ANPEP: variants seen among roughly 807,000 people sequenced by gnomAD.
The protein encoded by ANPEP is alanyl aminopeptidase, membrane, also known as aminopeptidase N.
In ANPEP, 70 loss-of-function variants were observed where a neutral mutation model predicts 114.6. The observed-to-expected ratio is 0.61, with a 90% CI of 0.50 to 0.75. The LOEUF is 0.75. ANPEP is among the 30% of genes least tolerant of loss of function. ANPEP has a pLI of 0.00. For missense variants in ANPEP, 1,184 were observed against 1,259.5 expected, an observed-to-expected ratio of 0.94 and a Z score of 0.91; for synonymous variants, 548 against 522.3, an observed-to-expected ratio of 1.05 and a Z score of -0.67.
rs1266353225 is a variant in ANPEP, at chr15:89,792,292, T to G, written c.2396A>C (p.Asn799Thr). 1 of 1,614,240 alleles carries G rather than the reference T, an allele frequency of 6.2e-7. No homozygotes were observed. The highest frequency in any genetic ancestry group is 1.3e-5 in the African/African-American group (1 of 75,074). ...CTCCTCCCCGCCCTGGGCGATAGCG[T>G]TGCAGTAGACGGTGGACCGCAGGTT... is the stretch of plus-strand genomic sequence containing the variant. ...HPNLRSTVYCNAIAQGGEEEW... is the reference protein window; with the variant it reads ...HPNLRSTVYCTAIAQGGEEEW... The change falls in exon 18 of 21, where the codon AAC becomes ACC. Residue 799 changes from asparagine (N) to threonine (T), a missense_variant. Coordinates refer to ENST00000300060, the MANE Select transcript of ANPEP (RefSeq NM_001150.3).
chr15:89,808,971 A>C (rs938140661), intron 1 of ANPEP, among the ~76,000 whole-genome samples: 1 of 152,110 alleles, frequency 6.6e-6, no homozygotes, highest in Non-Finnish European at 1.5e-5. Context: ...GGGTGTTCTG[A>C]GCCTTTGGCA....
At chr15:89,790,811 C>A in intron 19 of ANPEP, 142 bp downstream of exon 19, 4 of 1,120,558 alleles carry the variant, frequency 3.6e-6, no homozygotes, top group Non-Finnish European at 3.8e-6. Context: ...TCTTTCCATT[C>A]CTGCCCCACC....
At chr15:89,793,246 C>G in intron 15 of ANPEP, 120 bp from the exon 16 acceptor site, 4 of 791,460 alleles carry the variant, frequency 5.1e-6, no homozygotes, top group Non-Finnish European at 6.2e-6. Flanking sequence ...AGGGCCTCAC[C>G]TGAGGCCAAA....
chr15:89,797,238 T>C (rs1049972961), intron 15 of ANPEP, among the ~76,000 whole-genome samples: 1 of 152,174 alleles, frequency 6.6e-6, no homozygotes, highest in African/African-American at 2.4e-5. Flanking sequence ...ATGGTGGCCT[T>C]TTCTGTGCCT....
chr15:89,808,372 C>T (rs1440014155), intron 1 of ANPEP, among the ~76,000 whole-genome samples: 4 of 152,240 alleles, frequency 2.6e-5, no homozygotes, highest in African/African-American at 7.2e-5. Flanking sequence ...CAGAACTCAG[C>T]GTGGTTTTCC....
chr15:89,800,323 AT>A (rs1894561997), intron 12 of ANPEP, among the ~76,000 whole-genome samples: 12 of 151,828 alleles, frequency 7.9e-5, no homozygotes, highest in African/African-American at 1.9e-4. Flanking sequence ...ATGAACTTGA[AT>A]CTCCCTTATT....
At position 89,792,204 on chromosome 15, in the gene ANPEP, G is replaced by A. The variant is rs777142941; in HGVS notation, c.2484C>T (p.Leu828=). Residue 828 remains leucine (L), a synonymous_variant, in exon 18 of 21, where the codon CTC becomes CTT. Transcript: ENST00000300060. Reference sequence around the variant, plus strand: ...CTTTGCTGCAGGCCAGGGCTGCCCGGAGCTTGTCAGCCTCATTGACCAGTG... The same window carrying A: ...CTTTGCTGCAGGCCAGGGCTGCCCGAAGCTTGTCAGCCTCATTGACCAGTG... ...NATLVNEADK[L]RAALACSKEL... is the part of the protein sequence containing the mutation. 4.3e-6 allele frequency: 7 copies of A among 1,614,072 alleles called. No individual in the cohort carries two copies. In the African/African-American group the frequency reaches 9.3e-5, roughly 22 times the overall value.
In ANPEP at chr15:89,790,978, T is replaced by C. The variant is rs1367752673; in HGVS notation, c.2644A>G (p.Ser882Gly). The change falls in exon 19 of 21, where the codon AGC (serine) becomes GGC (glycine). Residue 882 changes from serine (S) to glycine (G), a missense_variant. Physicochemically the swap from Ser to Gly is moderately conservative, Grantham distance 56 (BLOSUM62 0). Transcript: ENST00000300060. ...GQGLVWDFVQ[S>G]NWKKLFNDYG... Reference sequence around the variant, plus strand: ...TCGTTAAAAAGCTTCTTCCAGTTGCTCTGGACAAAGTCCCAGACCAGACCT... The same window carrying C: ...TCGTTAAAAAGCTTCTTCCAGTTGCCCTGGACAAAGTCCCAGACCAGACCT... 2 of 1,614,224 alleles carry C rather than the reference T, an allele frequency of 1.2e-6. No homozygotes were observed.
Position 89,805,103 on chromosome 15 carries a change from T to C in ANPEP, c.872A>G (p.Glu291Gly). The stretch of plus-strand genomic sequence containing the variant: ...CAAGACACCATTGGATGCCTGCTTC[T>C]CCACGTAGTCGAACTCACTGACAAT... ...AFIVSEFDYV[E>G]KQASNGVLIR... is the part of the protein sequence containing the mutation. Residue 291 changes from glutamate (E) to glycine (G), a missense_variant, in exon 4 of 21, where the codon GAG becomes GGG. Transcript: ENST00000300060. 2 of 1,614,210 alleles carry C rather than the reference T, an allele frequency of 1.2e-6. No individual in the cohort carries two copies. Among genetic ancestry groups the C allele is most frequent in the African/African-American group, 1.3e-5 (1 of 75,068 alleles).
Position 89,792,502 on chromosome 15 carries a change from C to G in ANPEP, c.2310G>C (p.Glu770Asp), listed in dbSNP as rs79477244. The change falls in exon 17 of 21, where the codon GAG (glutamate) becomes GAC (aspartate). Residue 770 changes from glutamate to aspartate, a missense_variant. Physicochemically the swap from Glu to Asp is conservative, Grantham distance 45. Coordinates refer to ENST00000300060, the MANE Select transcript of ANPEP (RefSeq NM_001150.3). ...ACSNGVPECE[E>D]MVSGLFKQWM... ...ACTGCTTGAAAAGGCCAGAGACCAT[C>G]TCCTCACACTCTGGAACTCCGTTGG... The G allele has an allele frequency of 6.8e-6, 11 of 1,614,174 alleles. No homozygotes were observed. Among genetic ancestry groups the G allele is most frequent in the Non-Finnish European group, 9.3e-6 (11 of 1,180,022 alleles).
intron 1 of ANPEP, among the ~76,000 whole-genome samples, chr15:89,813,078 T>C (rs1438223292): frequency 1.3e-5 from 2 of 151,800 alleles, no homozygotes; most frequent in South Asian, 2.1e-4. Context: ...GCACCCGGGG[T>C]GAAGCCCGGG....
chr15:89,802,893 T>A, intron 10 of ANPEP, among the ~76,000 whole-genome samples: 1 of 148,642 alleles, frequency 6.7e-6, no homozygotes, highest in African/African-American at 2.5e-5. Flanking sequence ...CAGCCAGGAG[T>A]GGGGAGAAGG....
At chr15:89,813,487 T>C (rs1257442703) in intron 1 of ANPEP, among the ~76,000 whole-genome samples, 1 of 152,166 alleles carries the variant, frequency 6.6e-6, no homozygotes, top group African/African-American at 2.4e-5. Flanking sequence ...GGAGCAGCGC[T>C]GTGGGTGGCC....
At position 89,805,994 on chromosome 15, in the gene ANPEP, T is replaced by C; in HGVS notation, c.590A>G (p.Glu197Gly). The C allele has an allele frequency of 6.3e-7, 1 of 1,599,028 alleles. No individual in the cohort carries two copies. The highest frequency in any genetic ancestry group is 8.6e-7 in the Non-Finnish European group (1 of 1,169,300). ...CTTTCTGACATTGCCCTCCATGTAC[T>C]CGCTGCGGTAGAAGCCCGCCAGGTC... ...ADDLAGFYRS[E>G]YMEGNVRKVV... is the part of the protein sequence containing the mutation. Residue 197 changes from glutamate to glycine, a missense_variant, in exon 2 of 21, where the codon GAG (glutamate) becomes GGG (glycine). Coordinates refer to ENST00000300060, the MANE Select transcript of ANPEP (RefSeq NM_001150.3).
rs201493541 is a variant in ANPEP, at chr15:89,806,448, C to A, written c.136G>T (p.Val46Leu). 3 of 1,614,000 alleles carry A rather than the reference C, an allele frequency of 1.9e-6. No homozygotes were observed. In the Admixed American group the frequency reaches 5.0e-5, roughly 27 times the overall value. The change falls in exon 2 of 21, where the codon GTG (valine) becomes TTG (leucine). Residue 46 changes from valine to leucine, a missense_variant. By Grantham distance (32) the Val-to-Leu change is conservative. Coordinates refer to ENST00000300060, the MANE Select transcript of ANPEP (RefSeq NM_001150.3). This position sits in a 1 kb window ranked among gnomAD's most constrained non-coding sequence, Gnocchi z 5.7. Reference sequence around the variant, plus strand: ...GAGGCGGACGGGGTGGTGGAGGCCACGGGGGAGCTGTTGGCGTTCTTGTTC... The same window carrying A: ...GAGGCGGACGGGGTGGTGGAGGCCAAGGGGGAGCTGTTGGCGTTCTTGTTC... The part of the protein sequence containing the change: ...EKNKNANSSP[V>L]ASTTPSASAT...
chr15:89,785,119 G>T lies in ANPEP; in HGVS notation c.*230C>A. The T allele has an allele frequency of 1.9e-6, 1 of 534,786 alleles. No homozygotes were observed. The highest frequency in any genetic ancestry group is 3.3e-6 in the Non-Finnish European group (1 of 301,354). The allele number at this position is 534,786 out of a possible 1,614,324, so 33.1% of individuals were successfully genotyped here. ...GCACTGGGCGACAGGTGCCATGCCA[G>T]GCCTAGGGCGGGGTTGGCATGAGGG... On this transcript the variant is annotated 3_prime_UTR_variant, in exon 21 of 21. Coordinates refer to ENST00000300060, the MANE Select transcript of ANPEP (RefSeq NM_001150.3).
Position 89,806,433 on chromosome 15 carries a change from G to A in ANPEP, c.151C>T (p.Pro51Ser), listed in dbSNP as rs762611345. ...ANSSPVASTT[P>S]SASATTNPAS... ...GGGTTGGTGGTGGCTGAGGCGGACG[G>A]GGTGGTGGAGGCCACGGGGGAGCTG... Residue 51 changes from proline (P) to serine (S), a missense_variant, in exon 2 of 21, where the codon CCG becomes TCG. Transcript: ENST00000300060. The surrounding 1 kb of genome is among the most constrained non-coding windows in gnomAD (Gnocchi z 5.7). The A allele has an allele frequency of 6.2e-7, 1 of 1,613,912 alleles. No individual in the cohort carries two copies. The highest frequency in any genetic ancestry group is 8.5e-7 in the Non-Finnish European group (1 of 1,179,812).
chr15:89,798,521 T>C (rs1418807212), intron 14 of ANPEP, among the ~76,000 whole-genome samples: 2 of 146,366 alleles, frequency 1.4e-5, no homozygotes, highest in African/African-American at 5.1e-5. Flanking sequence ...CCTGTAATCC[T>C]AGCTACTCAG....
intron 1 of ANPEP, among the ~76,000 whole-genome samples, chr15:89,813,218 C>T (rs1894846459): frequency 6.6e-6 from 1 of 152,202 alleles, no homozygotes; most frequent in Non-Finnish European, 1.5e-5. Flanking sequence ...AGATCTCCCA[C>T]CAGAGCCAGC....
Sources: gnomAD v4.1 joint callset for allele counts (sites outside exome capture counted in the v4.1 genomes callset) on GRCh38, gnomAD v4.1.1 for gene constraint, Gnocchi (gnomAD v3.1) non-coding constraint, MANE v1.5 for transcripts, NCBI Gene and HGNC (gene_info 2026-07-23, HGNC 2026-07-21) for gene names.